KCNN3: variants seen among roughly 807,000 people sequenced by gnomAD.
KCNN3 encodes small conductance calcium-activated potassium channel protein 3.
In KCNN3, 16 loss-of-function variants were observed where a neutral mutation model predicts 62.9. The ratio of observed to expected loss-of-function variants is 0.25; its 90% CI spans 0.17 to 0.39. KCNN3 has a LOEUF of 0.39. Among genes scored for constraint, KCNN3 ranks in the 10% least tolerant of loss-of-function variants. The probability of loss-of-function intolerance (pLI) is 1.00; values close to 1 mark genes in which losing one functional copy is unlikely to be tolerated. For missense variants in KCNN3, 599 were observed against 949.4 expected (o/e 0.63, Z 4.85); for synonymous variants, 370 against 389.2 (o/e 0.95, Z 0.58).
intron 1 of KCNN3, among the ~76,000 whole-genome samples, chr1:154,855,995 T>C (rs1652507432): frequency 6.6e-6 from 1 of 152,092 alleles, no homozygotes; most frequent in Non-Finnish European, 1.5e-5. Flanking sequence ...CTGCCACCCA[T>C]GCTCCCTCTC....
intron 1 of KCNN3, among the ~76,000 whole-genome samples, chr1:154,847,947 C>G (rs138181065): frequency 4.9e-4 from 75 of 152,384 alleles, no homozygotes; most frequent in Middle Eastern, 3.4e-3. Context: ...AGCTCCGACA[C>G]GAACCCGAGA....
chr1:154,807,426 C>T (rs1650220650), intron 2 of KCNN3, among the ~76,000 whole-genome samples: 1 of 152,040 alleles, frequency 6.6e-6, no homozygotes, highest in African/African-American at 2.4e-5. Context: ...CACTCAGAAG[C>T]CCCCCGCACA....
intron 2 of KCNN3, among the ~76,000 whole-genome samples, chr1:154,821,537 A>G (rs902046409): frequency 6.6e-6 from 1 of 152,230 alleles, no homozygotes; most frequent in East Asian, 1.9e-4. Context: ...CCTGGGCAGC[A>G]AGAAACAGAG....
intron 2 of KCNN3, among the ~76,000 whole-genome samples, chr1:154,786,722 G>A (rs774551458): frequency 1.3e-5 from 2 of 152,206 alleles, no homozygotes; most frequent in East Asian, 3.8e-4. Context: ...TACTGGGGAC[G>A]CAGGGAGATG....
chr1:154,774,842 C>T (rs371907144), intron 2 of KCNN3, among the ~76,000 whole-genome samples: 1 of 152,246 alleles, frequency 6.6e-6, no homozygotes, highest in African/African-American at 2.4e-5. Context: ...CACCTCCTGG[C>T]TGGGAGAGCA....
Position 154,697,738 on chromosome 1 carries a change from A to T in KCNN3, c.*10238T>A, listed in dbSNP as rs1699768688. On this transcript the variant is annotated 3_prime_UTR_variant, in exon 8 of 8. Transcript: ENST00000271915. ...GGGTCTGGACACATGTGGTCAATACACATCCTGGATCTTACAAATCCAATG... is the reference window on the plus strand; with the variant it reads ...GGGTCTGGACACATGTGGTCAATACTCATCCTGGATCTTACAAATCCAATG... 6.6e-6 allele frequency: 1 copy of T among 152,192 alleles called. No homozygotes were observed. Among genetic ancestry groups the T allele is most frequent in the Non-Finnish European group, 1.5e-5 (1 of 68,038 alleles). The allele number at this position is 152,192 out of a possible 1,614,324, so 9.4% of individuals were successfully genotyped here. A position where few individuals can be genotyped will look rare whatever the true frequency, so the allele number is the denominator to read the frequency against.
chr1:154,838,982 G>C (rs939398005), intron 1 of KCNN3, among the ~76,000 whole-genome samples: 1 of 152,162 alleles, frequency 6.6e-6, no homozygotes, highest in African/African-American at 2.4e-5. Flanking sequence ...GTGCCACTCA[G>C]GACATCTCTA....
intron 2 of KCNN3, among the ~76,000 whole-genome samples, chr1:154,782,976 G>T (rs1303871906): frequency 6.6e-6 from 1 of 152,226 alleles, no homozygotes. Flanking sequence ...GCTTTGGCAG[G>T]CCGAGGCGGG....
intron 3 of KCNN3, among the ~76,000 whole-genome samples, chr1:154,764,930 C>A (rs561321682): frequency 3.0e-4 from 45 of 152,116 alleles, no homozygotes; most frequent in Non-Finnish European, 4.9e-4. Flanking sequence ...AAGTAAACTC[C>A]AAGAATGACT....
chr1:154,796,690 T>C (rs1649747316), intron 2 of KCNN3, among the ~76,000 whole-genome samples: 1 of 152,210 alleles, frequency 6.6e-6, no homozygotes, highest in Admixed American at 6.5e-5. Flanking sequence ...TGTCTGAAGC[T>C]GGGGGCCCCT....
chr1:154,718,666 C>T (rs1221620805), intron 5 of KCNN3, among the ~76,000 whole-genome samples: 1 of 152,172 alleles, frequency 6.6e-6, no homozygotes, highest in Non-Finnish European at 1.5e-5. Flanking sequence ...GCTTACGGAA[C>T]TTACAATCCT....
intron 2 of KCNN3, among the ~76,000 whole-genome samples, chr1:154,800,771 A>G (rs933799671): frequency 1.3e-5 from 2 of 152,178 alleles, no homozygotes; most frequent in African/African-American, 4.8e-5. Flanking sequence ...ATCACCAGGT[A>G]TGGTACCTCA....
intron 6 of KCNN3, among the ~76,000 whole-genome samples, 166 bp from the exon 7 acceptor site, chr1:154,713,699 C>T (rs573174518): frequency 6.6e-6 from 1 of 152,068 alleles, no homozygotes; most frequent in East Asian, 1.9e-4. Flanking sequence ...CTTGTCACAT[C>T]CCCCCAGAAA....
chr1:154,720,213 C>G (rs772873030), intron 5 of KCNN3, among the ~76,000 whole-genome samples: 2 of 152,200 alleles, frequency 1.3e-5, no homozygotes, highest in Non-Finnish European at 2.9e-5. Context: ...TCTGGGCCTT[C>G]GTCTTCTCAT....
At chr1:154,804,072 G>T (rs577391564) in intron 2 of KCNN3, among the ~76,000 whole-genome samples, 14 of 152,304 alleles carry the variant, frequency 9.2e-5, no homozygotes, top group Admixed American at 5.9e-4. Context: ...ACCACCCTCT[G>T]CAGTGGACTC....
chr1:154,827,419 G>T (rs2101899176), intron 1 of KCNN3, among the ~76,000 whole-genome samples: 1 of 152,202 alleles, frequency 6.6e-6, no homozygotes, highest in Middle Eastern at 3.4e-3. Context: ...ATCTCACACT[G>T]TCCAGTTCTT....
intron 1 of KCNN3, among the ~76,000 whole-genome samples, chr1:154,837,659 A>T (rs1336821765): frequency 6.6e-6 from 1 of 152,192 alleles, no homozygotes; most frequent in African/African-American, 2.4e-5. Flanking sequence ...CCTGGGCAGG[A>T]AGAGCCAGTC....
chr1:154,783,962 TA>T (rs1649170939), intron 2 of KCNN3, among the ~76,000 whole-genome samples: 1 of 152,126 alleles, frequency 6.6e-6, no homozygotes. Context: ...GAAGGGTGCC[TA>T]AAGCGGTTAC....
intron 2 of KCNN3, among the ~76,000 whole-genome samples, chr1:154,807,562 C>G (rs937162711): frequency 3.3e-5 from 5 of 152,150 alleles, no homozygotes; most frequent in Non-Finnish European, 5.9e-5. Flanking sequence ...ATTCTGCAGG[C>G]AAAGGAAGGA....
Sources: allele counts gnomAD v4.1 joint callset (sites outside exome capture counted in the v4.1 genomes callset), GRCh38; gene constraint gnomAD v4.1.1; transcripts MANE v1.5; gene names NCBI Gene and HGNC (gene_info 2026-07-23, HGNC 2026-07-21).